Variants in CCDC178 observed in about 807,000 individuals in gnomAD.
CCDC178 encodes the protein coiled-coil domain containing 178.
In CCDC178, 126 loss-of-function variants were observed where a neutral mutation model predicts 117.4. The observed-to-expected ratio is 1.07, with a 90% CI of 0.93 to 1.24. The LOEUF is 1.24. CCDC178 is among the 50% of genes most tolerant of loss of function. CCDC178 has a pLI of 0.00. For synonymous variants in CCDC178, 283 were observed against 313.4 expected (o/e 0.90, Z 1.02); for missense variants, 1,030 against 986.9 (o/e 1.04, Z -0.59).
chr18:33,271,015 T>C (rs1339494096), intron 12 of CCDC178, among the ~76,000 whole-genome samples: 1 of 151,560 alleles, frequency 6.6e-6, no homozygotes, highest in Non-Finnish European at 1.5e-5. Flanking sequence ...GTGTATACTA[T>C]TGAAATTGTT....
intron 19 of CCDC178, among the ~76,000 whole-genome samples, chr18:33,214,838 C>A (rs1240301636): frequency 6.6e-6 from 1 of 151,920 alleles, no homozygotes; most frequent in Non-Finnish European, 1.5e-5. Context: ...ATCCCTCAAG[C>A]ATTATGATTT....
intron 14 of CCDC178, among the ~76,000 whole-genome samples, chr18:33,259,023 C>A (rs554316726): frequency 1.3e-5 from 2 of 152,014 alleles, no homozygotes; most frequent in East Asian, 3.9e-4. Context: ...CCTTGAGGAT[C>A]TAAAAATGGG....
At chr18:32,938,720 A>C (rs777250489) in intron 22 of CCDC178, among the ~76,000 whole-genome samples, 18 of 152,226 alleles carry the variant, frequency 1.2e-4, no homozygotes, top group Non-Finnish European at 2.5e-4. Context: ...TAGGATCCCC[A>C]CTGTTTTCTT....
chr18:33,166,100 A>T (rs2058524855), intron 20 of CCDC178, among the ~76,000 whole-genome samples: 1 of 152,148 alleles, frequency 6.6e-6, no homozygotes, highest in South Asian at 2.1e-4. Flanking sequence ...ACAGAGTGAA[A>T]AAGACAGATA....
At chr18:33,096,012 A>G (rs1266694019) in intron 20 of CCDC178, among the ~76,000 whole-genome samples, 1 of 151,872 alleles carries the variant, frequency 6.6e-6, no homozygotes, top group Non-Finnish European at 1.5e-5. Context: ...GTGTGGAAGA[A>G]CCATTGCTAA....
At chr18:33,293,385 G>T in intron 11 of CCDC178, 73 bp from the exon 12 acceptor site, 1 of 949,370 alleles carries the variant, frequency 1.1e-6, no homozygotes, top group Non-Finnish European at 1.5e-6. Context: ...CTTAGGCCAG[G>T]CTTGGTGGCT....
chr18:33,364,587 C>T (rs1441568958), intron 6 of CCDC178, among the ~76,000 whole-genome samples: 8 of 151,724 alleles, frequency 5.3e-5, no homozygotes, highest in South Asian at 2.1e-4. Context: ...ACACAACTGA[C>T]GGAGCAAGAT....
At chr18:33,036,478 C>T (rs758099739) in intron 21 of CCDC178, among the ~76,000 whole-genome samples, 26 of 151,718 alleles carry the variant, frequency 1.7e-4, no homozygotes, top group Non-Finnish European at 2.7e-4. Flanking sequence ...GAATATGACA[C>T]AGGGAGAGAA....
chr18:33,105,021 C>A (rs555311019), intron 20 of CCDC178, among the ~76,000 whole-genome samples: 1 of 151,338 alleles, frequency 6.6e-6, no homozygotes, highest in Non-Finnish European at 1.5e-5. Context: ...TTGACAGATA[C>A]GAAGAGAAGT....
chr18:33,148,425 A>T (rs879649863), intron 20 of CCDC178, among the ~76,000 whole-genome samples: 7 of 149,888 alleles, frequency 4.7e-5, no homozygotes, highest in Non-Finnish European at 1.0e-4. Context: ...AGAGAGAGGG[A>T]GAGGGAGAGG....
intron 2 of CCDC178, among the ~76,000 whole-genome samples, chr18:33,437,434 T>C (rs1237931952): frequency 2.0e-5 from 3 of 152,206 alleles, no homozygotes; most frequent in African/African-American, 7.2e-5. Flanking sequence ...TTATTTAACA[T>C]GCCCAGGTAT....
chr18:33,244,599 T>C (rs2059524924), intron 15 of CCDC178, among the ~76,000 whole-genome samples: 1 of 151,910 alleles, frequency 6.6e-6, no homozygotes, highest in African/African-American at 2.4e-5. Context: ...GCCATAATTG[T>C]AAGTTTACTG....
At chr18:33,187,830 T>A (rs2058815027) in intron 20 of CCDC178, among the ~76,000 whole-genome samples, 1 of 152,072 alleles carries the variant, frequency 6.6e-6, no homozygotes, top group Non-Finnish European at 1.5e-5. Context: ...GAAGTTGAAA[T>A]GCTAGAACTT....
chr18:33,215,497 A>C, intron 19 of CCDC178, 53 bp downstream of exon 19: 1 of 965,096 alleles, frequency 1.0e-6, no homozygotes, highest in Non-Finnish European at 1.4e-6. Flanking sequence ...ATTTGATCTT[A>C]TTTATTAATA....
chr18:33,072,482 T>C (rs1969990120), intron 21 of CCDC178, among the ~76,000 whole-genome samples: 1 of 152,140 alleles, frequency 6.6e-6, no homozygotes, highest in South Asian at 2.1e-4. Context: ...ACAGTACCTC[T>C]ATTCAGTAAA....
intron 21 of CCDC178, among the ~76,000 whole-genome samples, chr18:33,061,957 T>C (rs2056929552): frequency 6.6e-6 from 1 of 152,190 alleles, no homozygotes; most frequent in Non-Finnish European, 1.5e-5. Flanking sequence ...AATGGTTTTA[T>C]AATCACTTTA....
At chr18:33,233,737 T>C (rs1408998427) in intron 15 of CCDC178, among the ~76,000 whole-genome samples, 1 of 152,108 alleles carries the variant, frequency 6.6e-6, no homozygotes, top group East Asian at 1.9e-4. Flanking sequence ...AAAGGTACCA[T>C]ATAGATACTG....
At chr18:33,381,111 G>A (rs2063434291) in intron 5 of CCDC178, among the ~76,000 whole-genome samples, 1 of 152,162 alleles carries the variant, frequency 6.6e-6, no homozygotes. Flanking sequence ...GTAAGTACTA[G>A]TCAGTCACCA....
intron 20 of CCDC178, among the ~76,000 whole-genome samples, chr18:33,121,887 C>T (rs1598905242): frequency 6.6e-6 from 1 of 152,042 alleles, no homozygotes; most frequent in South Asian, 2.1e-4. Context: ...ATTTTTACTG[C>T]AACTTTACTA....
Sources: gnomAD v4.1 joint callset for allele counts (sites outside exome capture counted in the v4.1 genomes callset) on GRCh38, gnomAD v4.1.1 for gene constraint, MANE v1.5 for transcripts, NCBI Gene and HGNC (gene_info 2026-07-23, HGNC 2026-07-21) for gene names.